PGAP1: variants seen among roughly 807,000 people sequenced by gnomAD.
PGAP1 encodes the protein post-GPI attachment to proteins inositol deacylase 1, also known as GPI inositol-deacylase.
Under a neutral mutation model 127.0 loss-of-function variants are expected in PGAP1, and 76 were observed. That is an observed-to-expected ratio of 0.60 (90% CI 0.50 to 0.72). PGAP1 has a LOEUF of 0.72. Ranked by LOEUF, PGAP1 falls within the 30% of genes least tolerant of loss-of-function variation. The pLI, the probability that PGAP1 is intolerant of heterozygous loss-of-function variation, is 0.00. For missense variants in PGAP1, 982 were observed against 1,071.3 expected, an observed-to-expected ratio of 0.92 and a Z score of 1.16; for synonymous variants, 362 against 366.5, an observed-to-expected ratio of 0.99 and a Z score of 0.14.
Position 196,841,002 on chromosome 2 carries a change from C to A in PGAP1, c.*232G>T, listed in dbSNP as rs1244690973. 19 of 450,698 alleles carry A rather than the reference C, an allele frequency of 4.2e-5. No homozygotes were observed. Among genetic ancestry groups the A allele is most frequent in the Non-Finnish European group, 7.1e-5 (18 of 253,928 alleles). The allele number at this position is 450,698 out of a possible 1,614,324, so 27.9% of individuals were successfully genotyped here. On this transcript the variant is annotated 3_prime_UTR_variant, in exon 27 of 27. Transcript: ENST00000354764. ...TCAATGATAGTGATCACCATATATC[C>A]CTTCATGAATTTTTCAAAAATGATT...
chr2:196,875,455 A>G (rs906749994), intron 14 of PGAP1, among the ~76,000 whole-genome samples: 4 of 152,196 alleles, frequency 2.6e-5, no homozygotes, highest in East Asian at 1.9e-4. Flanking sequence ...TTATAACTCT[A>G]TATTAAAATT....
rs1011578471 is a variant in PGAP1 at position 196,873,961 on chromosome 2, C to A, written c.1427-203G>T. On this transcript the variant is annotated intron_variant, in intron 14 of 26. Transcript: ENST00000354764. ...TAAATTTTATTACTTCCAATCACAT[C>A]TATCTGCTTTTAAAAAAGTCAGGTA... 6.7e-6 allele frequency: 3 copies of A among 447,830 alleles called. No homozygotes were observed. In the East Asian group the frequency reaches 1.1e-4, roughly 16 times the overall value. The allele number at this position is 447,830 out of a possible 1,614,324, so 27.7% of individuals were successfully genotyped here.
chr2:196,846,872 C>T, intron 22 of PGAP1, 131 bp downstream of exon 22: 1 of 703,694 alleles, frequency 1.4e-6, no homozygotes, highest in Non-Finnish European at 2.3e-6. Flanking sequence ...TGAACACTAA[C>T]CCATACTTTC....
At chr2:196,878,117 A>G (rs923782635) in intron 13 of PGAP1, among the ~76,000 whole-genome samples, 1 of 152,032 alleles carries the variant, frequency 6.6e-6, no homozygotes, top group Non-Finnish European at 1.5e-5. Flanking sequence ...TTCTATCAAA[A>G]TCACCATTCT....
chr2:196,866,275 T>C (rs1413829116), intron 19 of PGAP1, among the ~76,000 whole-genome samples: 1 of 152,030 alleles, frequency 6.6e-6, no homozygotes, highest in Non-Finnish European at 1.5e-5. Flanking sequence ...AAAACAGATA[T>C]ACAGACCAAA....
chr2:196,924,383 A>C (rs1703304541), intron 1 of PGAP1, among the ~76,000 whole-genome samples: 1 of 152,232 alleles, frequency 6.6e-6, no homozygotes, highest in South Asian at 2.1e-4. Flanking sequence ...AATATCTTTA[A>C]AACATTTTTA....
At chr2:196,897,277 T>G (rs1702313316) in intron 6 of PGAP1, 80 bp from the exon 7 acceptor site, 1 of 827,268 alleles carries the variant, frequency 1.2e-6, no homozygotes, top group Admixed American at 3.2e-5. Context: ...ATTCTATTGT[T>G]TAGTGGAACA....
rs764109474 is a variant in PGAP1 at position 196,842,829 on chromosome 2, T to C, written c.2526-4A>G. On this transcript the variant is annotated splice_region_variant and splice_polypyrimidine_tract_variant and intron_variant, in intron 25 of 26. Transcript: ENST00000354764. ...AGGATTAAGTTTAAAATAATACCTA[T>C]AATATTAAAAAAAGAAACCCACAAA... is the stretch of plus-strand genomic sequence containing the variant. 15 of 1,390,026 alleles carry C rather than the reference T, an allele frequency of 1.1e-5. 1 individual carries two copies. The South Asian group carries it at 2.0e-4, about 19-fold the overall frequency. 86.1% of individuals were successfully genotyped at this position (1,390,026 alleles called of 1,614,324 possible). A position where few individuals can be genotyped will look rare whatever the true frequency, so the allele number is the denominator to read the frequency against.
At chr2:196,843,849 T>C in intron 25 of PGAP1, 39 bp downstream of exon 25, 1 of 1,312,220 alleles carries the variant, frequency 7.6e-7, no homozygotes. Context: ...TATTTATTGT[T>C]TGAACCACAT....
At chr2:196,884,035 A>G (rs1701815569) in intron 12 of PGAP1, among the ~76,000 whole-genome samples, 1 of 152,210 alleles carries the variant, frequency 6.6e-6, no homozygotes, top group South Asian at 2.1e-4. Context: ...CTATTGTTTG[A>G]TATAGAGACT....
Position 196,926,109 on chromosome 2 carries a change from G to C in PGAP1, c.147+361C>G, listed in dbSNP as rs555188285. On this transcript the variant is annotated intron_variant, in intron 1 of 26. Coordinates refer to ENST00000354764, the MANE Select transcript of PGAP1 (RefSeq NM_024989.4). The stretch of plus-strand genomic sequence containing the variant: ...GGATGGAGCTTCGGTTTAGGGAGAA[G>C]GGTTGAGGCTGCCTCTCTGGGCATG... Among the ~76,000 whole-genome samples, 20 of 152,226 alleles carry C rather than the reference G, an allele frequency of 1.3e-4. No homozygotes were observed. The South Asian group carries it at 4.2e-3, about 32-fold the overall frequency.
intron 20 of PGAP1, 31 bp downstream of exon 20, chr2:196,864,956 A>C: frequency 7.8e-7 from 1 of 1,284,232 alleles, no homozygotes; most frequent in African/African-American, 1.5e-5. Flanking sequence ...ATTCATAACA[A>C]AAGTAACTTA....
intron 12 of PGAP1, among the ~76,000 whole-genome samples, chr2:196,883,923 C>G (rs1265292736): frequency 1.3e-5 from 2 of 152,154 alleles, no homozygotes; most frequent in Non-Finnish European, 2.9e-5. Flanking sequence ...TTTCTAACTT[C>G]TCTCTTTCAG....
intron 13 of PGAP1, among the ~76,000 whole-genome samples, chr2:196,877,827 G>A (rs1701612544): frequency 6.6e-6 from 1 of 152,070 alleles, no homozygotes; most frequent in African/African-American, 2.4e-5. Flanking sequence ...AGTCACTGAA[G>A]GTTGAGGATG....
rs1700352976 is a variant in PGAP1 at position 196,839,772 on chromosome 2, A to G, written c.*1462T>C. On this transcript the variant is annotated 3_prime_UTR_variant, in exon 27 of 27. Transcript: ENST00000354764. ...CAGGCAGTAACAGCTGAGAGGCTGTAATGGAATCCAGATGCAATGGCAGAT... is the reference window on the plus strand; with the variant it reads ...CAGGCAGTAACAGCTGAGAGGCTGTGATGGAATCCAGATGCAATGGCAGAT... 6.6e-6 allele frequency: 1 copy of G among 152,236 alleles called. No individual in the cohort carries two copies. Among genetic ancestry groups the G allele is most frequent in the Non-Finnish European group, 1.5e-5 (1 of 68,056 alleles). The allele number at this position is 152,236 out of a possible 1,614,324, so 9.4% of individuals were successfully genotyped here. A position where few individuals can be genotyped will look rare whatever the true frequency, so the allele number is the denominator to read the frequency against.
intron 7 of PGAP1, among the ~76,000 whole-genome samples, chr2:196,894,598 C>T (rs1243161377): frequency 1.3e-5 from 2 of 152,042 alleles, no homozygotes; most frequent in East Asian, 3.9e-4. Context: ...GTCAGGAGAT[C>T]GAGACCATCC....
intron 1 of PGAP1, among the ~76,000 whole-genome samples, chr2:196,925,814 C>CAAA (rs1703341142): frequency 6.6e-6 from 1 of 152,166 alleles, no homozygotes; most frequent in Non-Finnish European, 1.5e-5. Flanking sequence ...CGCACGGCCC[C>CAAA]TTAACCTGCA....
chr2:196,879,198 C>T (rs1447228016), intron 13 of PGAP1, among the ~76,000 whole-genome samples: 2 of 152,162 alleles, frequency 1.3e-5, no homozygotes, highest in African/African-American at 4.8e-5. Context: ...TTCAACTTCC[C>T]AAGTAGCTGG....
rs539187168 is a variant in PGAP1 at position 196,914,993 on chromosome 2, T to A, written c.477+1425A>T. Among the ~76,000 whole-genome samples the A allele has an allele frequency of 3.3e-5, 5 of 152,142 alleles. No homozygotes were observed. In the East Asian group the frequency reaches 5.8e-4, roughly 18 times the overall value. ...CACCACATCCAGCTAATATATATATTTTTTTGTAGACACAGGGTCTCACTA... is the reference window on the plus strand; with the variant it reads ...CACCACATCCAGCTAATATATATATATTTTTGTAGACACAGGGTCTCACTA... On this transcript the variant is annotated intron_variant, in intron 3 of 26. Transcript: ENST00000354764.
Sources: allele counts gnomAD v4.1 joint callset (sites outside exome capture counted in the v4.1 genomes callset), GRCh38; gene constraint gnomAD v4.1.1; transcripts MANE v1.5; gene names NCBI Gene and HGNC (gene_info 2026-07-23, HGNC 2026-07-21).